The following ASIC2 variants were observed in gnomAD, a reference collection of about 807,000 sequenced individuals.
The protein encoded by ASIC2 is acid sensing ion channel subunit 2.
Under a neutral mutation model 57.3 loss-of-function variants are expected in ASIC2, and 25 were observed. That is an observed-to-expected ratio of 0.44 (90% confidence interval 0.32 to 0.61). ASIC2 has a LOEUF of 0.61. Among genes scored for constraint, ASIC2 ranks in the 20% least tolerant of loss-of-function variants. The probability of loss-of-function intolerance (pLI) is 0.06; values close to 1 mark genes in which losing one functional copy is unlikely to be tolerated. For synonymous variants in ASIC2, 319 were observed against 307.5 expected, an observed-to-expected ratio of 1.04 and a Z score of -0.39; for missense variants, 641 against 738.1, an observed-to-expected ratio of 0.87 and a Z score of 1.52.
chr17:33,546,141 ATG>A (rs966937719), intron 1 of ASIC2, among the ~76,000 whole-genome samples: 17 of 150,180 alleles, frequency 1.1e-4, no homozygotes, highest in African/African-American at 4.1e-4. Flanking sequence ...ATATACACAT[ATG>A]TATATGTAAA....
At chr17:33,061,845 T>A (rs552673975) in intron 3 of ASIC2, among the ~76,000 whole-genome samples, 60 of 152,334 alleles carry the variant, frequency 3.9e-4, no homozygotes, top group South Asian at 2.5e-3. Context: ...CAGAGCCTGT[T>A]ATTGGTCTAT....
chr17:33,318,234 T>G (rs1038231564), intron 1 of ASIC2, among the ~76,000 whole-genome samples: 4 of 152,124 alleles, frequency 2.6e-5, no homozygotes, highest in Non-Finnish European at 5.9e-5. Flanking sequence ...TCTTTGGGTT[T>G]CCAGGGCCTT....
chr17:33,503,928 G>A (rs1914173611), intron 1 of ASIC2, among the ~76,000 whole-genome samples: 2 of 152,318 alleles, frequency 1.3e-5, no homozygotes, highest in East Asian at 1.9e-4. Context: ...AGCTTGAGAC[G>A]GAAGGACACA....
chr17:33,361,414 G>T (rs1348489221), intron 1 of ASIC2, among the ~76,000 whole-genome samples: 2 of 152,184 alleles, frequency 1.3e-5, no homozygotes, highest in Non-Finnish European at 2.9e-5. Context: ...GCTGTGGCTA[G>T]GAGAGTAATA....
rs185655168 is a variant in ASIC2 at position 33,176,999 on chromosome 17, G to A, written c.709-64932C>T. ...GTCAATGCTGAATTTGGATGGCTTTGTTCCATATCCAAGGCATGGGTGGCT... is the reference window on the plus strand; with the variant it reads ...GTCAATGCTGAATTTGGATGGCTTTATTCCATATCCAAGGCATGGGTGGCT... On this transcript the variant is annotated intron_variant, in intron 1 of 9. Transcript: ENST00000225823. Among the ~76,000 whole-genome samples, 214 of 152,318 alleles carry A rather than the reference G, an allele frequency of 1.4e-3. 2 individuals are homozygous for A. The highest frequency in any genetic ancestry group is 5.0e-3 in the African/African-American group (206 of 41,580).
intron 1 of ASIC2, among the ~76,000 whole-genome samples, chr17:33,822,440 A>C (rs1333497000): frequency 1.3e-5 from 2 of 152,104 alleles, no homozygotes; most frequent in Non-Finnish European, 2.9e-5. Flanking sequence ...GAAATTAGAA[A>C]CCTATGAATT....
intron 1 of ASIC2, among the ~76,000 whole-genome samples, chr17:33,578,947 G>A (rs1378918028): frequency 6.6e-6 from 1 of 152,150 alleles, no homozygotes; most frequent in African/African-American, 2.4e-5. Flanking sequence ...TTCTGCTGCT[G>A]CATCCTCACC....
At chr17:33,889,236 C>G (rs1007003055) in intron 1 of ASIC2, among the ~76,000 whole-genome samples, 1 of 152,234 alleles carries the variant, frequency 6.6e-6, no homozygotes, top group East Asian at 1.9e-4. Context: ...TTCAACCCCC[C>G]CTCGTTTTTC....
In ASIC2 at chr17:33,060,320, T is replaced by C. The variant is rs540778650; in HGVS notation, c.987+28543A>G. On this transcript the variant is annotated intron_variant, in intron 3 of 9. Coordinates refer to ENST00000225823, the MANE Select transcript of ASIC2 (RefSeq NM_183377.2). The stretch of plus-strand genomic sequence containing the variant: ...GTCTAACATTTAAGTCTTTAATCCA[T>C]CTTGAATTAATTTTTGTATAAGGTG... 2.0e-4 allele frequency among the ~76,000 whole-genome samples: 31 copies of C among 152,360 alleles called. No individual in the cohort carries two copies. In the Middle Eastern group the frequency reaches 0.014, roughly 67 times the overall value.
chr17:33,040,770 G>A (rs2091926623), intron 3 of ASIC2, among the ~76,000 whole-genome samples: 1 of 152,228 alleles, frequency 6.6e-6, no homozygotes, highest in Admixed American at 6.5e-5. Flanking sequence ...GTCAAAAGGA[G>A]TGTTCAGCTT....
chr17:33,387,076 T>TG (rs1307437320), intron 1 of ASIC2, among the ~76,000 whole-genome samples: 2 of 152,010 alleles, frequency 1.3e-5, no homozygotes, highest in African/African-American at 4.8e-5. Context: ...TTAGTAGAGA[T>TG]GGGGTTTCAC....
intron 1 of ASIC2, among the ~76,000 whole-genome samples, chr17:34,141,686 T>C (rs11869238): frequency 0.023 from 3,445 of 152,290 alleles, 120 homozygotes; most frequent in African/African-American, 0.078. Flanking sequence ...GGTAGATTCC[T>C]GGACATGCTA....
intron 1 of ASIC2, among the ~76,000 whole-genome samples, chr17:33,790,581 G>T (rs941074695): frequency 6.6e-6 from 1 of 152,046 alleles, no homozygotes; most frequent in African/African-American, 2.4e-5. Flanking sequence ...GCCAATTCCA[G>T]TCTGTTCATG....
chr17:33,521,391 TGA>T (rs1306475524), intron 1 of ASIC2, among the ~76,000 whole-genome samples: 2 of 152,240 alleles, frequency 1.3e-5, no homozygotes, highest in African/African-American at 4.8e-5. Context: ...TTATTCACTC[TGA>T]GTGTGGCACA....
chr17:33,418,022 G>GTA (rs199888801), intron 1 of ASIC2, among the ~76,000 whole-genome samples: 6,124 of 48,326 alleles, frequency 0.13, 235 homozygotes, highest in South Asian at 0.16. Flanking sequence ...CTCTCAGCAT[G>GTA]TATGTATGTG....
At chr17:33,353,878 A>G (rs1007738353) in intron 1 of ASIC2, among the ~76,000 whole-genome samples, 4 of 152,158 alleles carry the variant, frequency 2.6e-5, no homozygotes, top group South Asian at 2.1e-4. Flanking sequence ...TGCCATGTGT[A>G]TCTTAGAGTA....
At chr17:33,354,837 A>G (rs1245248017) in intron 1 of ASIC2, among the ~76,000 whole-genome samples, 1 of 151,806 alleles carries the variant, frequency 6.6e-6, no homozygotes, top group Non-Finnish European at 1.5e-5. Flanking sequence ...GTGTCCTTTT[A>G]TTTACCATTG....
intron 1 of ASIC2, among the ~76,000 whole-genome samples, chr17:33,814,330 A>G (rs1282125145): frequency 6.6e-6 from 1 of 152,208 alleles, no homozygotes; most frequent in African/African-American, 2.4e-5. Context: ...ATGCAAAAAA[A>G]GTATCCGTGT....
At chr17:33,304,677 T>C (rs1906097015) in intron 1 of ASIC2, among the ~76,000 whole-genome samples, 1 of 152,182 alleles carries the variant, frequency 6.6e-6, no homozygotes, top group African/African-American at 2.4e-5. Context: ...ATCCCCGCCT[T>C]AGTCTCAATC....
Sources: allele counts gnomAD v4.1 joint callset (sites outside exome capture counted in the v4.1 genomes callset), GRCh38; gene constraint gnomAD v4.1.1; transcripts MANE v1.5; gene names NCBI Gene and HGNC (gene_info 2026-07-23, HGNC 2026-07-21).